SPATS2: variants seen among roughly 807,000 people sequenced by gnomAD.
SPATS2 encodes spermatogenesis-associated serine-rich protein 2.
In SPATS2, 38 loss-of-function variants were observed where a neutral mutation model predicts 63.7. The observed-to-expected ratio is 0.60, with a 90% CI of 0.46 to 0.78. SPATS2 has a LOEUF of 0.78. SPATS2 is among the 30% of genes least tolerant of loss of function. The pLI is 0.00. For missense variants in SPATS2, 588 were observed against 666.2 expected (o/e 0.88, Z 1.29); for synonymous variants, 207 against 232.9 (o/e 0.89, Z 1.01).
At chr12:49,422,926 T>A (rs565625244) in intron 2 of SPATS2, among the ~76,000 whole-genome samples, 485 of 150,378 alleles carry the variant, frequency 3.2e-3, no homozygotes, top group African/African-American at 7.8e-3. Context: ...AAAAAAAAAA[T>A]TTTTTTAATT....
At chr12:49,469,542 T>TAAAA (rs748722366) in intron 3 of SPATS2, 46 of 319,644 alleles carry the variant, frequency 1.4e-4, no homozygotes, top group Middle Eastern at 1.1e-3. Flanking sequence ...GCTGGGTCTC[T>TAAAA]AAAAAAAAAA....
intron 4 of SPATS2, among the ~76,000 whole-genome samples, chr12:49,486,798 A>G (rs1480282158): frequency 2.0e-5 from 3 of 152,000 alleles, no homozygotes; most frequent in Admixed American, 6.5e-5. Flanking sequence ...AAAAAGAAAA[A>G]AAAGAGAGAG....
At chr12:49,436,678 C>T (rs1391889873) in intron 2 of SPATS2, among the ~76,000 whole-genome samples, 1 of 131,676 alleles carries the variant, frequency 7.6e-6, no homozygotes, top group African/African-American at 2.9e-5. Context: ...CCAGTAGGGG[C>T]GGCCGGGCAG....
At chr12:49,409,096 AT>A (rs1443063644) in intron 2 of SPATS2, among the ~76,000 whole-genome samples, 1 of 152,168 alleles carries the variant, frequency 6.6e-6, no homozygotes, top group Non-Finnish European at 1.5e-5. Flanking sequence ...TTAACCTGAT[AT>A]TCCAGGTACT....
At chr12:49,446,423 A>G (rs1422790996) in intron 2 of SPATS2, among the ~76,000 whole-genome samples, 1 of 152,210 alleles carries the variant, frequency 6.6e-6, no homozygotes, top group African/African-American at 2.4e-5. Context: ...TGTTCCTTTC[A>G]GGAAGCTCTA....
rs1565766493 is a variant in SPATS2 at position 49,526,074 on chromosome 12, C to T, written c.1457C>T (p.Ser486Phe). Residue 486 changes from serine to phenylalanine, a missense_variant, in exon 14 of 14, where the codon TCC (serine) becomes TTC (phenylalanine). Ser to Phe is a radical substitution (Grantham distance 155, BLOSUM62 -2). Transcript: ENST00000552918. Reference protein sequence around the residue: ...YRNSSWYSSGSRYQSAPSQAP... With the variant: ...YRNSSWYSSGFRYQSAPSQAP... ...AACAGCTCGTGGTATTCATCTGGTT[C>T]CAGGTATCAGAGTGCTCCATCTCAG... The T allele has an allele frequency of 3.1e-6, 5 of 1,614,198 alleles. No individual in the cohort carries two copies. Among genetic ancestry groups the T allele is most frequent in the East Asian group, 2.2e-5 (1 of 44,892 alleles).
At chr12:49,476,000 G>T (rs1306567936) in intron 3 of SPATS2, among the ~76,000 whole-genome samples, 1 of 152,110 alleles carries the variant, frequency 6.6e-6, no homozygotes, top group Admixed American at 6.5e-5. Context: ...AAGGGTGGAA[G>T]GGCATGGTCC....
chr12:49,450,245 A>T (rs12319484), intron 2 of SPATS2, among the ~76,000 whole-genome samples: 16,502 of 149,108 alleles, frequency 0.11, 1,150 homozygotes, highest in African/African-American at 0.2. Flanking sequence ...TTTTTTTTTT[A>T]AATTTTATTT....
intron 3 of SPATS2, among the ~76,000 whole-genome samples, chr12:49,468,264 G>T (rs1389372059): frequency 2.7e-5 from 4 of 149,370 alleles, no homozygotes; most frequent in African/African-American, 9.9e-5. Flanking sequence ...GGTTCAAGCA[G>T]TTCTCCTGCC....
At chr12:49,485,582 A>C (rs1946277927) in intron 4 of SPATS2, among the ~76,000 whole-genome samples, 1 of 151,844 alleles carries the variant, frequency 6.6e-6, no homozygotes, top group Non-Finnish European at 1.5e-5. Context: ...GGGTGATCGC[A>C]AACTCCTGGC....
chr12:49,433,083 T>G (rs1277132872), intron 2 of SPATS2, among the ~76,000 whole-genome samples: 1 of 152,184 alleles, frequency 6.6e-6, no homozygotes, highest in African/African-American at 2.4e-5. Flanking sequence ...ACTTATTTTA[T>G]TTTCTGTTTT....
chr12:49,387,638 C>CAAA (rs35910147), intron 2 of SPATS2, among the ~76,000 whole-genome samples: 10 of 66,166 alleles, frequency 1.5e-4, no homozygotes, highest in Non-Finnish European at 2.2e-4. Flanking sequence ...GACTCTGTCT[C>CAAA]AAAAAAAAAA....
intron 2 of SPATS2, among the ~76,000 whole-genome samples, chr12:49,434,247 T>C (rs1945234779): frequency 6.6e-6 from 1 of 152,220 alleles, no homozygotes; most frequent in Non-Finnish European, 1.5e-5. Flanking sequence ...TTTTTCAAGA[T>C]TGGTTTGGCT....
intron 2 of SPATS2, among the ~76,000 whole-genome samples, chr12:49,451,631 G>T (rs1243935865): frequency 6.6e-6 from 1 of 152,202 alleles, no homozygotes; most frequent in South Asian, 2.1e-4. Flanking sequence ...CTCCCAAACT[G>T]TTGGGATTAC....
chr12:49,416,438 C>T (rs1944890849), intron 2 of SPATS2, among the ~76,000 whole-genome samples: 1 of 151,812 alleles, frequency 6.6e-6, no homozygotes, highest in Non-Finnish European at 1.5e-5. Flanking sequence ...TTTGAAGTTG[C>T]CTGAGAGAGC....
At chr12:49,483,118 A>T (rs1441958123) in intron 3 of SPATS2, among the ~76,000 whole-genome samples, 3 of 130,568 alleles carry the variant, frequency 2.3e-5, no homozygotes, top group African/African-American at 8.9e-5. Context: ...AGTTTGTGTC[A>T]TCTAGTATGT....
intron 1 of SPATS2, among the ~76,000 whole-genome samples, chr12:49,369,030 C>CTTTTTTTT (rs35158946): frequency 1.9e-5 from 2 of 102,594 alleles, no homozygotes; most frequent in African/African-American, 4.4e-5. Flanking sequence ...CAATGTGCCT[C>CTTTTTTTT]TTTTTTTTTT....
chr12:49,503,203 A>G (rs1946594826), intron 9 of SPATS2, among the ~76,000 whole-genome samples: 1 of 152,026 alleles, frequency 6.6e-6, no homozygotes, highest in South Asian at 2.1e-4. Context: ...TTCAAAAATT[A>G]GCCGGGCGTG....
intron 11 of SPATS2, among the ~76,000 whole-genome samples, chr12:49,519,814 A>AT (rs113683730): frequency 0.09 from 12,314 of 136,264 alleles, 617 homozygotes; most frequent in African/African-American, 0.14. Context: ...AGTTACCACT[A>AT]TTTTTTTTTT....
Sources: gnomAD v4.1 joint callset for allele counts (sites outside exome capture counted in the v4.1 genomes callset) on GRCh38, gnomAD v4.1.1 for gene constraint, MANE v1.5 for transcripts, NCBI Gene and HGNC (gene_info 2026-07-23, HGNC 2026-07-21) for gene names.